Variants in CACNA1C observed in about 807,000 individuals in gnomAD.
CACNA1C encodes the protein voltage-dependent L-type calcium channel subunit alpha-1C.
In CACNA1C, 30 loss-of-function variants were observed where a neutral mutation model predicts 229.0. That is an observed-to-expected ratio of 0.13 (90% CI 0.10 to 0.18). CACNA1C has a LOEUF of 0.18. CACNA1C is among the 10% of genes least tolerant of loss of function. The pLI is 1.00. For missense variants in CACNA1C, 1,658 were observed against 2,845.0 expected (o/e 0.58, Z 9.49); for synonymous variants, 1,114 against 1,132.5 (o/e 0.98, Z 0.33).
chr12:2,556,447 C>T (rs2044323366), intron 10 of CACNA1C, among the ~76,000 whole-genome samples: 1 of 152,242 alleles, frequency 6.6e-6, no homozygotes, highest in Non-Finnish European at 1.5e-5. Flanking sequence ...TCCTCTGCAG[C>T]TCTTGGGTGG....
intron 5 of CACNA1C, among the ~76,000 whole-genome samples, chr12:2,473,302 C>G (rs1196067561): frequency 6.6e-6 from 1 of 152,192 alleles, no homozygotes; most frequent in South Asian, 2.1e-4. Flanking sequence ...GTATCTACCT[C>G]GCTGTCTCTT....
At chr12:2,078,159 C>T (rs2154037469) in intron 1 of CACNA1C, among the ~76,000 whole-genome samples, 1 of 152,208 alleles carries the variant, frequency 6.6e-6, no homozygotes, top group East Asian at 1.9e-4. Flanking sequence ...GAAGAAGAAA[C>T]ACCAGAGAGC....
chr12:2,171,091 T>C (rs2096459047), intron 3 of CACNA1C, among the ~76,000 whole-genome samples: 1 of 152,210 alleles, frequency 6.6e-6, no homozygotes, highest in East Asian at 1.9e-4. Context: ...ATCTTTTACC[T>C]GGCGGATCCC....
chr12:2,366,488 A>G lies in CACNA1C; in HGVS notation c.478-82488A>G, dbSNP rs183223704. The stretch of plus-strand genomic sequence containing the variant: ...GGTGCTGGAGGGAAGCAGGTGTTAC[A>G]TGTATTTTAAAACTTACTTGTGTTA... On this transcript the variant is annotated intron_variant, in intron 3 of 46. Transcript: ENST00000399655. Among the ~76,000 whole-genome samples, 37 of 152,318 alleles carry G rather than the reference A, an allele frequency of 2.4e-4. No individual in the cohort carries two copies. The East Asian group carries it at 4.8e-3, about 20-fold the overall frequency.
intron 3 of CACNA1C, among the ~76,000 whole-genome samples, chr12:2,418,724 G>A (rs1388956473): frequency 2.0e-5 from 3 of 152,150 alleles, no homozygotes; most frequent in Admixed American, 6.5e-5. Flanking sequence ...TTGCCTGCAG[G>A]GAGCTGACAC....
In CACNA1C at chr12:2,608,472, T is replaced by C; in HGVS notation, c.3357-39T>C. Reference sequence around the variant, plus strand: ...CGTCCTTCCGCAGAGGGGACCCTGCTTCTCCAGTTCCCTCTGTGGGACCTG... The same window carrying C: ...CGTCCTTCCGCAGAGGGGACCCTGCCTCTCCAGTTCCCTCTGTGGGACCTG... On this transcript the variant is annotated intron_variant, in intron 26 of 46. Transcript: ENST00000399655. The surrounding 1 kb of genome is among the most constrained non-coding windows in gnomAD (Gnocchi z 4.2). The C allele has an allele frequency of 1.3e-6, 2 of 1,517,672 alleles. No homozygotes were observed. The highest frequency in any genetic ancestry group is 9.0e-7 in the Non-Finnish European group (1 of 1,112,908). 94.0% of individuals were successfully genotyped at this position (1,517,672 alleles called of 1,614,324 possible).
At position 2,451,772 on chromosome 12, in the gene CACNA1C, A is replaced by C. The variant is rs534394279; in HGVS notation, c.617+2657A>C. Among the ~76,000 whole-genome samples the C allele has an allele frequency of 8.1e-4, 123 of 152,330 alleles. 1 individual carries two copies. The highest frequency in any genetic ancestry group is 2.8e-3 in the African/African-American group (118 of 41,582). ...GTCACATCTCCCTAGGGCCTAGGCC[A>C]TGAGGCTGGTGAAGAGAGGGAGGCA... On this transcript the variant is annotated intron_variant, in intron 4 of 46. Coordinates refer to ENST00000399655, the MANE Select transcript of CACNA1C (RefSeq NM_000719.7).
intron 3 of CACNA1C, among the ~76,000 whole-genome samples, chr12:2,161,997 T>C (rs999888708): frequency 1.3e-5 from 2 of 152,344 alleles, no homozygotes; most frequent in East Asian, 1.9e-4. Context: ...ATTATCTGTT[T>C]CCAGCCAGAT....
At chr12:2,676,146 G>C (rs1314744964) in intron 39 of CACNA1C, 3 of 152,174 alleles carry the variant, frequency 2.0e-5, no homozygotes, top group Non-Finnish European at 4.4e-5. Flanking sequence ...CAGGCCCCAG[G>C]GAACCTAGGA....
intron 3 of CACNA1C, among the ~76,000 whole-genome samples, chr12:2,272,419 T>C (rs1182251353): frequency 6.6e-6 from 1 of 152,202 alleles, no homozygotes; most frequent in African/African-American, 2.4e-5. Context: ...CCGGCTGGTG[T>C]CTGCCTCGTA....
chr12:2,669,561 G>A (rs1340552991), intron 38 of CACNA1C, among the ~76,000 whole-genome samples: 1 of 152,178 alleles, frequency 6.6e-6, no homozygotes, highest in Non-Finnish European at 1.5e-5. Context: ...GAAGGAGACG[G>A]GTGTTACCTG....
intron 5 of CACNA1C, among the ~76,000 whole-genome samples, chr12:2,463,027 T>C (rs370989525): frequency 6.0e-4 from 91 of 151,426 alleles, no homozygotes; most frequent in East Asian, 9.8e-4. Context: ...ATTCTCCTGC[T>C]TCAGCCTCCC....
intron 37 of CACNA1C, among the ~76,000 whole-genome samples, chr12:2,667,324 G>GGCCA (rs59787731): frequency 6.6e-6 from 1 of 152,112 alleles, no homozygotes; most frequent in African/African-American, 2.4e-5. Flanking sequence ...GCCATTCCGT[G>GGCCA]CTCCTTGTTG....
intron 3 of CACNA1C, among the ~76,000 whole-genome samples, chr12:2,378,584 T>G (rs1469444653): frequency 2.0e-5 from 3 of 152,194 alleles, no homozygotes; most frequent in Non-Finnish European, 4.4e-5. Context: ...ATGGGAAATT[T>G]AAAAACAATC....
intron 42 of CACNA1C, among the ~76,000 whole-genome samples, chr12:2,681,069 C>T (rs911027620): frequency 4.6e-5 from 7 of 152,112 alleles, no homozygotes; most frequent in African/African-American, 1.7e-4. Flanking sequence ...AGTACTGGGT[C>T]CCCATACCCC....
chr12:2,289,394 C>A (rs1304199978), intron 3 of CACNA1C, among the ~76,000 whole-genome samples: 1 of 152,130 alleles, frequency 6.6e-6, no homozygotes, highest in Non-Finnish European at 1.5e-5. Context: ...GGCAACCCTG[C>A]TGGACAAAAC....
At chr12:2,266,543 G>T (rs1477302050) in intron 3 of CACNA1C, among the ~76,000 whole-genome samples, 1 of 152,236 alleles carries the variant, frequency 6.6e-6, no homozygotes, top group Non-Finnish European at 1.5e-5. Flanking sequence ...TATGGACCTG[G>T]GAGTTGGGAA....
At chr12:2,107,789 C>T (rs1237743073) in intron 1 of CACNA1C, among the ~76,000 whole-genome samples, 3 of 152,172 alleles carry the variant, frequency 2.0e-5, no homozygotes, top group East Asian at 3.9e-4. Context: ...TGAATTCATT[C>T]GCTATTGCCT....
At chr12:2,472,297 G>T (rs760006061) in intron 5 of CACNA1C, among the ~76,000 whole-genome samples, 3 of 152,028 alleles carry the variant, frequency 2.0e-5, no homozygotes, top group Admixed American at 6.5e-5. Context: ...GCTTTGTTCA[G>T]TTTTCTTCAG....
Sources: allele counts gnomAD v4.1 joint callset (sites outside exome capture counted in the v4.1 genomes callset), GRCh38; gene constraint gnomAD v4.1.1; non-coding constraint Gnocchi (gnomAD v3.1); transcripts MANE v1.5; gene names NCBI Gene and HGNC (gene_info 2026-07-23, HGNC 2026-07-21).